LOXHD1: variants seen among roughly 807,000 people sequenced by gnomAD.
LOXHD1 encodes lipoxygenase homology PLAT domains 1.
LOXHD1 carries 205 observed loss-of-function variants against 248.2 expected under a neutral mutation model. That is an observed-to-expected ratio of 0.83 (90% CI 0.74 to 0.93). The LOEUF (loss-of-function observed/expected upper bound fraction) is 0.93, where lower values mean the gene tolerates loss of function less well. LOXHD1 is among the 40% of genes least tolerant of loss of function. The pLI is 0.00. For missense variants in LOXHD1, 2,930 were observed against 2,971.6 expected (o/e 0.99, Z 0.33); for synonymous variants, 1,113 against 1,162.8 (o/e 0.96, Z 0.87).
intron 29 of LOXHD1, among the ~76,000 whole-genome samples, chr18:46,526,694 G>C (rs988772721): frequency 1.3e-5 from 2 of 152,246 alleles, no homozygotes; most frequent in Non-Finnish European, 1.5e-5. Flanking sequence ...TGCACTGAAA[G>C]AGTGACTGGT....
rs188528174 is a variant in LOXHD1, at chr18:46,601,374, T to C, written c.977A>G (p.Asn326Ser). ...IYLVMYGARG[N>S]KNSGKIFLEG... ...CAGGAAGATTTTCCCACTGTTCTTA[T>C]TCCCTCTGGCCCCATACATGACCAA... The change falls in exon 8 of 41, where the codon AAT (asparagine) becomes AGT (serine). Residue 326 changes from asparagine to serine, a missense_variant. Asn to Ser is a conservative substitution (Grantham distance 46). Coordinates refer to ENST00000642948, the MANE Select transcript of LOXHD1 (RefSeq NM_001384474.1). The C allele has an allele frequency of 1.3e-4, 203 of 1,551,684 alleles. 1 individual carries two copies. In the East Asian group the frequency reaches 3.4e-3, roughly 26 times the overall value.
chr18:46,550,498 A>T lies in LOXHD1; in HGVS notation c.3351-3440T>A, dbSNP rs1057393896. On this transcript the variant is annotated intron_variant, in intron 21 of 40. Transcript: ENST00000642948. ...TGAGGCAGGAGAATGGCGTGAACCC[A>T]GGAAGCGGAGCTTGCAGTGAGCCGA... Among the ~76,000 whole-genome samples, 8 of 142,958 alleles carry T rather than the reference A, an allele frequency of 5.6e-5. No homozygotes were observed. The East Asian group carries it at 1.8e-3, about 32-fold the overall frequency. 93.8% of individuals were successfully genotyped at this position (142,958 alleles called of 152,430 possible).
At chr18:46,480,496 T>C (rs1291690715) in intron 40 of LOXHD1, among the ~76,000 whole-genome samples, 2 of 152,212 alleles carry the variant, frequency 1.3e-5, no homozygotes, top group African/African-American at 2.4e-5. Flanking sequence ...TTCATTATTT[T>C]TGATGGCTGA....
At position 46,507,661 on chromosome 18, in the gene LOXHD1, C is replaced by T; in HGVS notation, c.5569G>A (p.Asp1857Asn). Residue 1857 changes from aspartate (D) to asparagine (N), a missense_variant, in exon 36 of 41, where the codon GAC becomes AAC. Transcript: ENST00000642948. ...TTGCCCTTCCGCTGGGACAGCCAGTCTCCATAGTAGAACATGGTCAGGTCT... is the reference window on the plus strand; with the variant it reads ...TTGCCCTTCCGCTGGGACAGCCAGTTTCCATAGTAGAACATGGTCAGGTCT... The part of the protein sequence containing the change: ...TGDLTMFYYG[D>N]WLSQRKGKKT... The T allele has an allele frequency of 6.4e-7, 1 of 1,551,730 alleles. No homozygotes were observed. The highest frequency in any genetic ancestry group is 2.4e-5 in the East Asian group (1 of 40,910).
chr18:46,491,081 G>T (rs2033439821), intron 37 of LOXHD1, among the ~76,000 whole-genome samples: 1 of 152,242 alleles, frequency 6.6e-6, no homozygotes, highest in South Asian at 2.1e-4. Flanking sequence ...AGAGAAAAAG[G>T]CGACAAGTTG....
chr18:46,639,511 G>T, intron 4 of LOXHD1, 105 bp downstream of exon 4: 1 of 1,334,846 alleles, frequency 7.5e-7, no homozygotes. Context: ...GGCATGCCAA[G>T]ATGAGGTAGG....
intron 20 of LOXHD1, chr18:46,557,851 G>T: frequency 8.1e-7 from 1 of 1,227,848 alleles, no homozygotes; most frequent in Non-Finnish European, 1.0e-6. Flanking sequence ...CCTCTGCAAT[G>T]TGTGCAGGTG....
intron 40 of LOXHD1, among the ~76,000 whole-genome samples, chr18:46,483,316 C>T (rs377585572): frequency 1.3e-5 from 2 of 152,292 alleles, no homozygotes; most frequent in South Asian, 4.1e-4. Context: ...TCTCAGTATC[C>T]TTCCAAGGAA....
At position 46,507,531 on chromosome 18, in the gene LOXHD1, G is replaced by C; in HGVS notation, c.5692+7C>G. ...GGAGCGGGAGGTGTGAGGGACCCCC[G>C]ACCCACCCAGGATGTCGCTGGTCTT... On this transcript the variant is annotated splice_region_variant and intron_variant, in intron 36 of 40. Transcript: ENST00000642948. 6.4e-7 allele frequency: 1 copy of C among 1,551,548 alleles called. No individual in the cohort carries two copies. Among genetic ancestry groups the C allele is most frequent in the Non-Finnish European group, 8.7e-7 (1 of 1,146,926 alleles).
chr18:46,633,527 A>C (rs1233580059), intron 4 of LOXHD1, among the ~76,000 whole-genome samples: 1 of 152,232 alleles, frequency 6.6e-6, no homozygotes, highest in Non-Finnish European at 1.5e-5. Context: ...TCTTAGAAGA[A>C]AACATGGGAG....
intron 4 of LOXHD1, among the ~76,000 whole-genome samples, chr18:46,630,794 G>A (rs922129319): frequency 2.0e-5 from 3 of 152,128 alleles, no homozygotes; most frequent in Non-Finnish European, 2.9e-5. Flanking sequence ...AAATCAGTGG[G>A]TGGGAGACAC....
intron 1 of LOXHD1, among the ~76,000 whole-genome samples, chr18:46,653,631 A>G (rs1011463608): frequency 6.6e-6 from 1 of 152,232 alleles, no homozygotes; most frequent in Admixed American, 6.5e-5. Flanking sequence ...AGCCCAGCAC[A>G]TGAGAGACAG....
intron 13 of LOXHD1, 69 bp downstream of exon 13, chr18:46,579,561 G>T (rs2037922495): frequency 6.5e-7 from 1 of 1,543,092 alleles, no homozygotes; most frequent in Non-Finnish European, 8.8e-7. Flanking sequence ...AACAGGGCAG[G>T]GAAGACGAGG....
intron 2 of LOXHD1, among the ~76,000 whole-genome samples, chr18:46,642,679 A>C (rs988994345): frequency 6.6e-6 from 1 of 152,264 alleles, no homozygotes; most frequent in Non-Finnish European, 1.5e-5. Context: ...TGAGGCAGCC[A>C]GGCAAGTCCA....
chr18:46,654,217 GA>G (rs995980211), intron 1 of LOXHD1, among the ~76,000 whole-genome samples: 3 of 151,318 alleles, frequency 2.0e-5, no homozygotes, highest in Non-Finnish European at 4.4e-5. Context: ...TTTTGAGGAA[GA>G]AAAAAAAATA....
chr18:46,657,007 C>T lies in LOXHD1; in HGVS notation c.27G>A (p.Arg9=). 6.4e-7 allele frequency: 1 copy of T among 1,551,660 alleles called. No homozygotes were observed. Among genetic ancestry groups the T allele is most frequent in the Non-Finnish European group, 8.7e-7 (1 of 1,146,956 alleles). The change falls in exon 1 of 41, where the codon AGG becomes AGA. Residue 9 remains arginine, a synonymous_variant. Coordinates refer to ENST00000642948, the MANE Select transcript of LOXHD1 (RefSeq NM_001384474.1). ...GGGCCAGGAAGTCGATGTCCTTCTTCCTCCGCCTTTTCTTCTGGGGCATCA... is the reference window on the plus strand; with the variant it reads ...GGGCCAGGAAGTCGATGTCCTTCTTTCTCCGCCTTTTCTTCTGGGGCATCA... The part of the protein sequence containing the change: MMPQKKRR[R]KKDIDFLALY...
chr18:46,652,857 AG>A (rs970962062), intron 1 of LOXHD1, among the ~76,000 whole-genome samples: 3 of 152,264 alleles, frequency 2.0e-5, no homozygotes, highest in Non-Finnish European at 2.9e-5. Flanking sequence ...GCAATAAAAA[AG>A]AACAAACTAT....
At chr18:46,559,417 C>A in intron 20 of LOXHD1, 31 bp downstream of exon 20, 1 of 1,551,884 alleles carries the variant, frequency 6.4e-7, no homozygotes, top group Non-Finnish European at 8.7e-7. Flanking sequence ...ACCCACAGCC[C>A]CCACCCAGGG....
chr18:46,619,436 G>A (rs989392932), intron 4 of LOXHD1, among the ~76,000 whole-genome samples: 18 of 152,126 alleles, frequency 1.2e-4, no homozygotes, highest in African/African-American at 3.9e-4. Flanking sequence ...ACTGTCTTGT[G>A]TTGTTTGCCA....
Sources: gnomAD v4.1 joint callset for allele counts (sites outside exome capture counted in the v4.1 genomes callset) on GRCh38, gnomAD v4.1.1 for gene constraint, MANE v1.5 for transcripts, NCBI Gene and HGNC (gene_info 2026-07-23, HGNC 2026-07-21) for gene names.